Variants in ZFHX3 observed in about 807,000 individuals in gnomAD.
ZFHX3 encodes zinc finger homeobox protein 3.
A neutral mutation model predicts 279.1 loss-of-function variants in ZFHX3; 42 were observed. That is an observed-to-expected ratio of 0.15 (90% CI 0.12 to 0.19). The LOEUF is 0.19. Ranked by LOEUF, ZFHX3 falls within the 10% of genes least tolerant of loss-of-function variation. ZFHX3 has a pLI of 1.00. For synonymous variants in ZFHX3, 2,293 were observed against 1,957.8 expected (o/e 1.17, Z -4.52); for missense variants, 4,981 against 4,754.0 (o/e 1.05, Z -1.40).
intron 2 of ZFHX3, among the ~76,000 whole-genome samples, chr16:73,665,212 C>CTTTTT (rs11410802): frequency 7.2e-6 from 1 of 138,516 alleles, no homozygotes; most frequent in East Asian, 2.1e-4. Context: ...CATCATTGCA[C>CTTTTT]TTTTTTTTTT....
intron 1 of ZFHX3, among the ~76,000 whole-genome samples, chr16:72,996,638 T>C (rs1597070145): frequency 6.6e-6 from 1 of 152,228 alleles, no homozygotes; most frequent in Non-Finnish European, 1.5e-5. Context: ...GCTGGGGGCG[T>C]GGGAACCCCG....
Position 72,958,526 on chromosome 16 carries a change from G to C in ZFHX3, c.1620C>G (p.Leu540=). Residue 540 remains leucine, a synonymous_variant, in exon 2 of 10, where the codon CTC becomes CTG. Transcript: ENST00000268489. The part of the protein sequence containing the change: ...ISNSPLMPNV[L]QTLSRGTAST... ...AAGCTGTGCCCCTCGACAGGGTCTG[G>C]AGCACGTTAGGCATTAAGGGGGAGT... 4 of 1,614,074 alleles carry C rather than the reference G, an allele frequency of 2.5e-6. No homozygotes were observed. Among genetic ancestry groups the C allele is most frequent in the Non-Finnish European group, 3.4e-6 (4 of 1,180,046 alleles).
intron 3 of ZFHX3, among the ~76,000 whole-genome samples, chr16:73,361,335 C>A (rs2143313090): frequency 6.6e-6 from 1 of 152,322 alleles, no homozygotes; most frequent in East Asian, 1.9e-4. Context: ...GGGGCTTGCC[C>A]CCTTGGAAGC....
intron 4 of ZFHX3, among the ~76,000 whole-genome samples, chr16:72,875,933 C>T (rs1227815741): frequency 2.0e-5 from 3 of 152,148 alleles, no homozygotes; most frequent in Non-Finnish European, 4.4e-5. Context: ...ATGATAACTC[C>T]AGCCCATGCC....
intron 3 of ZFHX3, among the ~76,000 whole-genome samples, chr16:72,898,022 T>A (rs552604602): frequency 8.5e-5 from 13 of 152,154 alleles, no homozygotes; most frequent in Non-Finnish European, 1.6e-4. Context: ...CTTCCAGGGG[T>A]AACGCAACCA....
intron 4 of ZFHX3, among the ~76,000 whole-genome samples, chr16:73,281,333 A>G (rs2014453630): frequency 6.6e-6 from 1 of 152,234 alleles, no homozygotes; most frequent in Non-Finnish European, 1.5e-5. Context: ...TTGTGACACC[A>G]TGGATGAACC....
intron 1 of ZFHX3, among the ~76,000 whole-genome samples, chr16:73,719,137 A>C (rs1267145688): frequency 6.6e-6 from 1 of 152,196 alleles, no homozygotes; most frequent in Non-Finnish European, 1.5e-5. Context: ...GTCACTTTGA[A>C]CTTTCACTTT....
At chr16:72,866,209 G>C (rs1443997097) in intron 4 of ZFHX3, among the ~76,000 whole-genome samples, 3 of 152,190 alleles carry the variant, frequency 2.0e-5, no homozygotes, top group African/African-American at 7.2e-5. Context: ...GGGAGAGTGA[G>C]AGCAGTAGCC....
At chr16:73,002,015 C>G (rs1963514161) in intron 1 of ZFHX3, among the ~76,000 whole-genome samples, 1 of 152,046 alleles carries the variant, frequency 6.6e-6, no homozygotes, top group Non-Finnish European at 1.5e-5. Context: ...TCACAGATGA[C>G]AGAGACACCT....
chr16:72,791,164 T>C (rs2035683248), intron 9 of ZFHX3: 2 of 152,210 alleles, frequency 1.3e-5, no homozygotes, highest in South Asian at 4.1e-4. Context: ...GGACTTTCGG[T>C]TGAACTCTTG....
At chr16:73,142,170 A>G (rs1385454361) in intron 6 of ZFHX3, among the ~76,000 whole-genome samples, 1 of 152,116 alleles carries the variant, frequency 6.6e-6, no homozygotes, top group Non-Finnish European at 1.5e-5. Context: ...TAACCAGCTG[A>G]GTGACAGAAA....
At chr16:73,150,787 C>G (rs1966922361) in intron 5 of ZFHX3, among the ~76,000 whole-genome samples, 1 of 152,162 alleles carries the variant, frequency 6.6e-6, no homozygotes, top group Non-Finnish European at 1.5e-5. Flanking sequence ...CCAGCACTTT[C>G]TAGCAAAGAA....
rs1220897506 is a variant in ZFHX3 at position 72,787,447 on chromosome 16, G to C, written c.10829C>G (p.Pro3610Arg). ...CGGCCAAGACTTCCTGGAGGCGTGG[G>C]GGGAAGCGGAGGAGGGGGCGGCGGC... ...PSAAAPSSAS[P>R]HASRKSWPQV... Residue 3610 changes from proline to arginine, a missense_variant, in exon 10 of 10, where the codon CCC (proline) becomes CGC (arginine). This residue lies in a region of ZFHX3 where 1,034 missense variants were observed against 786.0 expected (regional missense o/e 1.32). Coordinates refer to ENST00000268489, the MANE Select transcript of ZFHX3 (RefSeq NM_006885.4). The C allele has an allele frequency of 6.2e-7, 1 of 1,605,198 alleles. No homozygotes were observed. The highest frequency in any genetic ancestry group is 8.5e-7 in the Non-Finnish European group (1 of 1,174,538).
intron 5 of ZFHX3, among the ~76,000 whole-genome samples, chr16:73,246,184 C>T (rs186646221): frequency 3.3e-5 from 5 of 152,172 alleles, no homozygotes; most frequent in South Asian, 2.1e-4. Context: ...GATTCCAAGC[C>T]GCAGAGTTGT....
rs72236616 is a variant in ZFHX3, at chr16:73,787,814, A to AGTGTGTGTGT, written c.-1608+103827_-1608+103836dup. Among the ~76,000 whole-genome samples, 772 of 138,044 alleles carry AGTGTGTGTGT rather than the reference A, an allele frequency of 5.6e-3. 6 individuals carry two copies. Among genetic ancestry groups the AGTGTGTGTGT allele is most frequent in the Non-Finnish European group, 6.2e-3 (403 of 64,698 alleles). The allele number at this position is 138,044 out of a possible 152,430, so 90.6% of individuals were successfully genotyped here. A position where few individuals can be genotyped will look rare whatever the true frequency, so the allele number is the denominator to read the frequency against. ...CTAAACACTGTCACTGTTTTCTTAA[A>AGTGTGTGTGT]GTGTGTGTGTGTGTGTGTGTGTGTG... On this transcript the variant is annotated intron_variant, in intron 1 of 17. Coordinates refer to the ZFHX3 transcript ENST00000641206.
intron 2 of ZFHX3, among the ~76,000 whole-genome samples, chr16:73,603,681 C>T (rs145561567): frequency 8.6e-5 from 13 of 151,282 alleles, no homozygotes; most frequent in African/African-American, 1.5e-4. Context: ...GGCCAACACT[C>T]GGAGAAAGAA....
At chr16:73,642,764 C>T (rs1035980030) in intron 2 of ZFHX3, among the ~76,000 whole-genome samples, 2 of 152,084 alleles carry the variant, frequency 1.3e-5, no homozygotes, top group South Asian at 2.1e-4. Context: ...TCCTGACAAA[C>T]GGGCATGAAA....
At chr16:73,556,086 G>A (rs1246774057) in intron 2 of ZFHX3, among the ~76,000 whole-genome samples, 3 of 152,196 alleles carry the variant, frequency 2.0e-5, no homozygotes, top group Non-Finnish European at 2.9e-5. Context: ...TTTGCAAACC[G>A]TTCTAGGTAA....
chr16:73,240,112 C>T (rs2013076265), intron 5 of ZFHX3, among the ~76,000 whole-genome samples: 1 of 151,752 alleles, frequency 6.6e-6, no homozygotes, highest in African/African-American at 2.4e-5. Flanking sequence ...ATAATGCATA[C>T]CTGAATGAAG....
Sources: gnomAD v4.1 joint callset for allele counts (sites outside exome capture counted in the v4.1 genomes callset) on GRCh38, gnomAD v4.1.1 for gene constraint, gnomAD v4.1.1 regional missense constraint, MANE v1.5 for transcripts, NCBI Gene and HGNC (gene_info 2026-07-23, HGNC 2026-07-21) for gene names.